GRIA4: variants seen among roughly 807,000 people sequenced by gnomAD.
GRIA4 encodes glutamate ionotropic receptor AMPA type subunit 4.
A neutral mutation model predicts 104.0 loss-of-function variants in GRIA4; 34 were observed. That is an observed-to-expected ratio of 0.33 (90% CI 0.25 to 0.44). The LOEUF is 0.44. Ranked by LOEUF, GRIA4 falls within the 20% of genes least tolerant of loss-of-function variation. The probability of loss-of-function intolerance (pLI) is 1.00; values close to 1 mark genes in which losing one functional copy is unlikely to be tolerated. For synonymous variants in GRIA4, 386 were observed against 381.9 expected (o/e 1.01, Z -0.13); for missense variants, 750 against 1,096.5 (o/e 0.68, Z 4.46).
chr11:105,925,305 T>C (rs1591451825), intron 12 of GRIA4, among the ~76,000 whole-genome samples: 1 of 152,106 alleles, frequency 6.6e-6, no homozygotes, highest in East Asian at 1.9e-4. Flanking sequence ...AAGCCAACCA[T>C]GCAAACACTA....
chr11:105,688,372 C>T (rs1421838775), intron 3 of GRIA4, among the ~76,000 whole-genome samples: 2 of 151,892 alleles, frequency 1.3e-5, no homozygotes, highest in East Asian at 1.9e-4. Context: ...TCCTGGCTAG[C>T]GTGGTGAAAC....
At chr11:105,674,064 C>T (rs1952460001) in intron 3 of GRIA4, among the ~76,000 whole-genome samples, 1 of 151,914 alleles carries the variant, frequency 6.6e-6, no homozygotes, top group African/African-American at 2.4e-5. Context: ...TCAAGTAGAA[C>T]TTGTTATTTG....
Position 105,980,999 on chromosome 11 carries a change from T to C in GRIA4, c.*1260T>C, listed in dbSNP as rs1031680526. ...GACTGTATTTTGCTGCATAAAATTA[T>C]GTGTCTCTTGGGCTTCTTCCCTTAT... On this transcript the variant is annotated 3_prime_UTR_variant, in exon 17 of 17. Coordinates refer to ENST00000282499, the MANE Select transcript of GRIA4 (RefSeq NM_000829.4). The C allele has an allele frequency of 6.6e-6, 1 of 152,648 alleles. No individual in the cohort carries two copies. Among genetic ancestry groups the C allele is most frequent in the Non-Finnish European group, 1.5e-5 (1 of 68,042 alleles). The allele number at this position is 152,648 out of a possible 1,614,324, so 9.5% of individuals were successfully genotyped here. A position where few individuals can be genotyped will look rare whatever the true frequency, so the allele number is the denominator to read the frequency against.
chr11:105,803,562 G>A (rs1478161024), intron 4 of GRIA4, among the ~76,000 whole-genome samples: 1 of 151,718 alleles, frequency 6.6e-6, no homozygotes, highest in Non-Finnish European at 1.5e-5. Context: ...ACTGTATTAA[G>A]GCATAACTGA....
chr11:105,665,737 T>A (rs1285232476), intron 3 of GRIA4, among the ~76,000 whole-genome samples: 4 of 152,056 alleles, frequency 2.6e-5, no homozygotes, highest in African/African-American at 9.7e-5. Flanking sequence ...TTGGGCGTAA[T>A]TTATGCCAAA....
chr11:105,637,116 C>T (rs2135334861), intron 3 of GRIA4, among the ~76,000 whole-genome samples: 1 of 152,156 alleles, frequency 6.6e-6, no homozygotes, highest in East Asian at 1.9e-4. Flanking sequence ...TTGTGCTCTC[C>T]ATTATTGTGG....
At chr11:105,944,791 C>T (rs1246394119) in intron 14 of GRIA4, among the ~76,000 whole-genome samples, 1 of 151,934 alleles carries the variant, frequency 6.6e-6, no homozygotes, top group Admixed American at 6.6e-5. Context: ...GAGCCTCTCA[C>T]TATGTTGCCT....
At chr11:105,802,237 T>C (rs1291872544) in intron 4 of GRIA4, among the ~76,000 whole-genome samples, 2 of 152,104 alleles carry the variant, frequency 1.3e-5, no homozygotes, top group African/African-American at 4.8e-5. Flanking sequence ...CAAGATTTCA[T>C]CTGCTGGTAG....
At chr11:105,903,170 C>T (rs1946920109) in intron 7 of GRIA4, among the ~76,000 whole-genome samples, 1 of 152,166 alleles carries the variant, frequency 6.6e-6, no homozygotes, top group African/African-American at 2.4e-5. Flanking sequence ...AATGACTTTG[C>T]CTTCCTGTGC....
At chr11:105,794,459 G>A (rs1942366325) in intron 4 of GRIA4, among the ~76,000 whole-genome samples, 1 of 93,330 alleles carries the variant, frequency 1.1e-5, no homozygotes, top group South Asian at 3.2e-4. Flanking sequence ...GTGTCTGTGT[G>A]TGTGTATATG....
chr11:105,653,462 C>T (rs1951741207), intron 3 of GRIA4, among the ~76,000 whole-genome samples: 1 of 152,078 alleles, frequency 6.6e-6, no homozygotes. Context: ...GGCTCATGTC[C>T]CAGGCATGAC....
intron 3 of GRIA4, among the ~76,000 whole-genome samples, chr11:105,714,566 T>TACAAAAC (rs1406912898): frequency 6.6e-6 from 1 of 152,106 alleles, no homozygotes; most frequent in Admixed American, 6.6e-5. Context: ...AAACATCAAT[T>TACAAAAC]ATCTTACAAA....
chr11:105,907,292 G>A (rs1266975193), intron 9 of GRIA4, among the ~76,000 whole-genome samples: 1 of 152,150 alleles, frequency 6.6e-6, no homozygotes, highest in Non-Finnish European at 1.5e-5. Context: ...AAAGAAATAT[G>A]AAGTATAAAA....
intron 3 of GRIA4, among the ~76,000 whole-genome samples, chr11:105,718,886 C>T (rs1037572046): frequency 6.6e-6 from 1 of 152,098 alleles, no homozygotes; most frequent in Non-Finnish European, 1.5e-5. Flanking sequence ...CTTGTCAATT[C>T]CAATCAGCTG....
Position 105,833,065 on chromosome 11 carries a change from G to A in GRIA4, c.488-28959G>A, listed in dbSNP as rs544421187. Reference sequence around the variant, plus strand: ...TTCCTTCAAATTCCCACGTCTTTTGGCAAACCCCTTTTTCAGCACTCCCTT... The same window carrying A: ...TTCCTTCAAATTCCCACGTCTTTTGACAAACCCCTTTTTCAGCACTCCCTT... On this transcript the variant is annotated intron_variant, in intron 4 of 16. Coordinates refer to ENST00000282499, the MANE Select transcript of GRIA4 (RefSeq NM_000829.4). Among the ~76,000 whole-genome samples the A allele has an allele frequency of 3.3e-5, 5 of 151,418 alleles. 1 individual carries two copies. The highest frequency in any genetic ancestry group is 1.2e-4 in the African/African-American group (5 of 41,272).
intron 5 of GRIA4, among the ~76,000 whole-genome samples, chr11:105,864,018 G>A (rs1430422844): frequency 2.0e-5 from 3 of 152,048 alleles, no homozygotes; most frequent in Non-Finnish European, 4.4e-5. Flanking sequence ...TATTCTTCTT[G>A]CCAAATTCTA....
intron 3 of GRIA4, among the ~76,000 whole-genome samples, chr11:105,741,682 A>G (rs1330294457): frequency 5.3e-5 from 8 of 152,296 alleles, no homozygotes; most frequent in Non-Finnish European, 7.4e-5. Context: ...GAAGAGTCAT[A>G]CATTTCTAAA....
chr11:105,729,820 A>G (rs951065027), intron 3 of GRIA4, among the ~76,000 whole-genome samples: 1 of 152,204 alleles, frequency 6.6e-6, no homozygotes, highest in African/African-American at 2.4e-5. Flanking sequence ...TCTTCATGCT[A>G]AAAACACTCA....
chr11:105,905,297 G>T lies in GRIA4; in HGVS notation c.1154G>T (p.Arg385Ile). The change falls in exon 9 of 17, where the codon AGA becomes ATA. Residue 385 changes from arginine (R) to isoleucine (I), a missense_variant. Arg to Ile is a moderately conservative substitution (Grantham distance 97). This residue lies in a region of GRIA4 where 410 missense variants were observed against 502.7 expected (regional missense o/e 0.82). Transcript: ENST00000282499. ...DVFELKSTGP[R>I]KVGYWNDMDK... ...TTTGAGCTGAAAAGCACAGGACCTA[G>T]AAAGGTGAGCCACGATCAAACTGAA... 6.5e-7 allele frequency: 1 copy of T among 1,534,520 alleles called. No individual in the cohort carries two copies. The highest frequency in any genetic ancestry group is 9.0e-7 in the Non-Finnish European group (1 of 1,107,716).
Sources: gnomAD v4.1 joint callset for allele counts (sites outside exome capture counted in the v4.1 genomes callset) on GRCh38, gnomAD v4.1.1 for gene constraint, gnomAD v4.1.1 regional missense constraint, MANE v1.5 for transcripts, NCBI Gene and HGNC (gene_info 2026-07-23, HGNC 2026-07-21) for gene names.